The following ACOT12 variants were observed in gnomAD, a reference collection of about 807,000 sequenced individuals.
ACOT12 encodes acetyl-coenzyme A thioesterase.
ACOT12 carries 51 observed loss-of-function variants against 67.7 expected under a neutral mutation model. The ratio of observed to expected loss-of-function variants is 0.75; its 90% CI spans 0.60 to 0.95. The LOEUF (loss-of-function observed/expected upper bound fraction) is 0.95. Ranked by LOEUF, ACOT12 falls within the 40% of genes least tolerant of loss-of-function variation. The pLI, the probability that ACOT12 is intolerant of heterozygous loss-of-function variation, is 0.00. For synonymous variants in ACOT12, 251 were observed against 244.6 expected, an observed-to-expected ratio of 1.03 and a Z score of -0.24; for missense variants, 734 against 708.1, an observed-to-expected ratio of 1.04 and a Z score of -0.41.
intron 2 of ACOT12, among the ~76,000 whole-genome samples, chr5:81,378,284 T>C (rs1760479067): frequency 1.3e-5 from 2 of 152,190 alleles, no homozygotes; most frequent in Non-Finnish European, 1.5e-5. Flanking sequence ...GCTAGCCATA[T>C]GCAGAAAACT....
intron 5 of ACOT12, among the ~76,000 whole-genome samples, chr5:81,354,466 A>G (rs1561334292): frequency 6.6e-6 from 1 of 152,120 alleles, no homozygotes; most frequent in African/African-American, 2.4e-5. Flanking sequence ...GCAGCCACCC[A>G]TGTTTACCTG....
At chr5:81,355,437 T>C (rs554953774) in intron 5 of ACOT12, among the ~76,000 whole-genome samples, 3 of 152,300 alleles carry the variant, frequency 2.0e-5, no homozygotes, top group South Asian at 4.1e-4. Context: ...GAGGTCATTA[T>C]GTCAAGCAAA....
intron 4 of ACOT12, among the ~76,000 whole-genome samples, chr5:81,361,436 A>G (rs560964748): frequency 6.6e-6 from 1 of 151,934 alleles, no homozygotes; most frequent in Non-Finnish European, 1.5e-5. Context: ...TCTGGCCTCA[A>G]GCAATCCTTC....
chr5:81,371,682 G>T, intron 3 of ACOT12, 68 bp downstream of exon 3: 1 of 1,484,760 alleles, frequency 6.7e-7, no homozygotes, highest in Non-Finnish European at 9.4e-7. Context: ...TAGGCCTCCT[G>T]CTCTACCCTT....
the ACOT12 span, among the ~76,000 whole-genome samples, chr5:81,310,192 A>G: frequency 6.7e-6 from 1 of 149,170 alleles, no homozygotes; most frequent in Non-Finnish European, 1.5e-5. Flanking sequence ...TAATGCAGCA[A>G]GGAGAGTAGA....
intron 1 of ACOT12, among the ~76,000 whole-genome samples, chr5:81,386,710 T>A (rs1760732572): frequency 6.6e-6 from 1 of 152,122 alleles, no homozygotes; most frequent in Non-Finnish European, 1.5e-5. Context: ...AAAGAGTGAA[T>A]TACACTGAAT....
At chr5:81,310,657 A>G in the ACOT12 span, among the ~76,000 whole-genome samples, 1 of 152,208 alleles carries the variant, frequency 6.6e-6, no homozygotes, top group African/African-American at 2.4e-5. Flanking sequence ...AATGTTGTTT[A>G]AAGTAGGCAG....
chr5:81,346,128 GT>G, intron 6 of ACOT12, 124 bp from the exon 7 acceptor site: 1 of 1,428,516 alleles, frequency 7.0e-7, no homozygotes, highest in South Asian at 1.4e-5. Context: ...ACTGGATTAT[GT>G]GGGTTGAGGG....
chr5:81,383,959 G>A (rs1176825535), intron 2 of ACOT12, among the ~76,000 whole-genome samples: 1 of 151,758 alleles, frequency 6.6e-6, no homozygotes, highest in Admixed American at 6.6e-5. Flanking sequence ...TATAAATTTG[G>A]TGTAGCCTAA....
the ACOT12 span, among the ~76,000 whole-genome samples, chr5:81,317,639 C>T: frequency 6.6e-6 from 1 of 151,972 alleles, no homozygotes; most frequent in Non-Finnish European, 1.5e-5. Flanking sequence ...CATGGTGGAG[C>T]AGGAGAGATA....
chr5:81,344,346 C>G lies in ACOT12; in HGVS notation c.925-131G>C, dbSNP rs189704431. 1.6e-4 allele frequency: 133 copies of G among 845,924 alleles called. 1 individual carries two copies. In the East Asian group the frequency reaches 3.6e-3, roughly 23 times the overall value. 52.4% of individuals were successfully genotyped at this position (845,924 alleles called of 1,614,324 possible). On this transcript the variant is annotated intron_variant, in intron 8 of 14. Transcript: ENST00000307624. ...CTGAGATGTGGTGTCTCTCCATGAACTGACTTCATCAAGTCAGAGTCTCTG... is the reference window on the plus strand; with the variant it reads ...CTGAGATGTGGTGTCTCTCCATGAAGTGACTTCATCAAGTCAGAGTCTCTG...
intron 1 of ACOT12, among the ~76,000 whole-genome samples, 199 bp downstream of exon 1, chr5:81,393,789 C>G (rs983912667): frequency 2.6e-5 from 4 of 152,108 alleles, no homozygotes; most frequent in Non-Finnish European, 5.9e-5. Context: ...GAAGGAGTCC[C>G]GAGAGCCACA....
chr5:81,330,727 A>G, intron 14 of ACOT12, 87 bp downstream of exon 14: 2 of 1,555,364 alleles, frequency 1.3e-6, no homozygotes, highest in Non-Finnish European at 1.7e-6. Context: ...TTACAAGATT[A>G]CAATTAATTA....
intron 14 of ACOT12, 114 bp from the exon 15 acceptor site, chr5:81,330,657 A>G (rs1758788324): frequency 1.4e-6 from 2 of 1,473,918 alleles, no homozygotes; most frequent in East Asian, 4.7e-5. Flanking sequence ...CTTCTGGGGG[A>G]CCTTCTGGAA....
At chr5:81,370,145 G>C (rs1177186290) in intron 3 of ACOT12, among the ~76,000 whole-genome samples, 1 of 152,084 alleles carries the variant, frequency 6.6e-6, no homozygotes, top group Non-Finnish European at 1.5e-5. Context: ...GTGGTGGCAT[G>C]CACCTGTAAT....
At chr5:81,369,475 T>C (rs1760180817) in intron 3 of ACOT12, among the ~76,000 whole-genome samples, 1 of 152,228 alleles carries the variant, frequency 6.6e-6, no homozygotes, top group Non-Finnish European at 1.5e-5. Flanking sequence ...AAATGTTTAG[T>C]TGGCATCTAT....
the ACOT12 span, among the ~76,000 whole-genome samples, chr5:81,320,197 T>A: frequency 6.6e-6 from 1 of 152,160 alleles, no homozygotes; most frequent in Non-Finnish European, 1.5e-5. Flanking sequence ...AGAGGCCAGA[T>A]ATTAAGTGAA....
chr5:81,312,602 T>C, the ACOT12 span: 1 of 1,613,982 alleles, frequency 6.2e-7, no homozygotes, highest in Non-Finnish European at 8.5e-7. Flanking sequence ...ATGAAGAAAT[T>C]TTGGATGTAC....
At chr5:81,350,966 C>T (rs143735246) in intron 5 of ACOT12, among the ~76,000 whole-genome samples, 8 of 152,322 alleles carry the variant, frequency 5.3e-5, no homozygotes, top group Middle Eastern at 3.4e-3. Flanking sequence ...AGGACAAATG[C>T]CAGCCCCCAT....
Sources: allele counts gnomAD v4.1 joint callset (sites outside exome capture counted in the v4.1 genomes callset), GRCh38; gene constraint gnomAD v4.1.1; transcripts MANE v1.5; gene names NCBI Gene and HGNC (gene_info 2026-07-23, HGNC 2026-07-21).